The following DNAH6 variants were observed in gnomAD, a reference collection of about 807,000 sequenced individuals.
DNAH6 encodes dynein axonemal heavy chain 6.
In DNAH6, 340 loss-of-function variants were observed where a neutral mutation model predicts 491.4. That is an observed-to-expected ratio of 0.69 (90% CI 0.63 to 0.76). The LOEUF is 0.76. DNAH6 is among the 30% of genes least tolerant of loss of function. The probability of loss-of-function intolerance (pLI) is 0.00; values close to 1 mark genes in which losing one functional copy is unlikely to be tolerated. For missense variants in DNAH6, 4,443 were observed against 4,972.2 expected (o/e 0.89, Z 3.20); for synonymous variants, 1,603 against 1,686.1 (o/e 0.95, Z 1.21).
chr2:84,616,473 T>C (rs1393206487), intron 22 of DNAH6, among the ~76,000 whole-genome samples: 1 of 152,140 alleles, frequency 6.6e-6, no homozygotes, highest in Admixed American at 6.6e-5. Context: ...CTGTTGTTGC[T>C]ATAAAATTTG....
rs550435084 is a variant in DNAH6 at position 84,656,872 on chromosome 2, C to T, written c.5758-1420C>T. The stretch of plus-strand genomic sequence containing the variant: ...AATTCAACTTACCAGTTTTTTCCCT[C>T]ATGGATGGTGCCTTTGGTGTCATAC... On this transcript the variant is annotated intron_variant, in intron 35 of 76. Transcript: ENST00000389394. Among the ~76,000 whole-genome samples, 7 of 152,054 alleles carry T rather than the reference C, an allele frequency of 4.6e-5. No individual in the cohort carries two copies. In the South Asian group the frequency reaches 1.0e-3, roughly 23 times the overall value.
the DNAH6 span, among the ~76,000 whole-genome samples, chr2:84,474,944 A>G: frequency 6.6e-6 from 1 of 152,190 alleles, no homozygotes; most frequent in Admixed American, 6.5e-5. Flanking sequence ...GATTAGTACT[A>G]CCAAAGCCTC....
In DNAH6 at chr2:84,715,617, C is replaced by T. The variant is rs1224238300; in HGVS notation, c.9601C>T (p.Gln3201Ter). 6 of 1,551,124 alleles carry T rather than the reference C, an allele frequency of 3.9e-6. No homozygotes were observed. In the African/African-American group the frequency reaches 8.2e-5, roughly 21 times the overall value. The change falls in exon 58 of 77, where the codon CAG becomes TAG. Residue 3201 changes from glutamine to a stop codon, truncating the protein, a stop_gained. Coordinates refer to ENST00000389394, the MANE Select transcript of DNAH6 (RefSeq NM_001370.2). LOFTEE classifies it high-confidence loss of function. ...FTVTKSGLED[Q>*]LLSDVVRLEK... ...TGTAACAAAATCAGGCCTGGAGGAT[C>T]AGTTGTTAAGGTAAAAAAACAGGGA... is the stretch of plus-strand genomic sequence containing the variant.
intron 22 of DNAH6, among the ~76,000 whole-genome samples, 164 bp downstream of exon 22, chr2:84,612,018 C>T (rs538939130): frequency 6.6e-6 from 1 of 152,196 alleles, no homozygotes; most frequent in Non-Finnish European, 1.5e-5. Flanking sequence ...ATTTGACACA[C>T]TTGCTAAGCA....
At chr2:84,652,306 T>C (rs1374411308) in intron 33 of DNAH6, among the ~76,000 whole-genome samples, 1 of 152,068 alleles carries the variant, frequency 6.6e-6, no homozygotes, top group African/African-American at 2.4e-5. Flanking sequence ...AGAGGCCAAA[T>C]GTAGTAGCCT....
intron 16 of DNAH6, 57 bp from the exon 17 acceptor site, chr2:84,593,915 A>G (rs998859221): frequency 2.0e-6 from 2 of 996,484 alleles, no homozygotes; most frequent in South Asian, 3.0e-5. Context: ...GGAGAATAGC[A>G]TATGCTCATT....
At chr2:84,464,766 G>A in the DNAH6 span, among the ~76,000 whole-genome samples, 1 of 152,192 alleles carries the variant, frequency 6.6e-6, no homozygotes, top group South Asian at 2.1e-4. Flanking sequence ...GGTTTTGGTG[G>A]GTTTTGGCTA....
At chr2:84,577,018 C>T (rs1206977798) in intron 12 of DNAH6, among the ~76,000 whole-genome samples, 1 of 152,154 alleles carries the variant, frequency 6.6e-6, no homozygotes, top group African/African-American at 2.4e-5. Flanking sequence ...GTCATCTCTT[C>T]ATAGGAGCCA....
chr2:84,731,789 G>A (rs1205349136), intron 61 of DNAH6, among the ~76,000 whole-genome samples: 1 of 152,198 alleles, frequency 6.6e-6, no homozygotes, highest in South Asian at 2.1e-4. Context: ...AGATAACTTA[G>A]GAGAAGACAC....
At chr2:84,579,476 T>C (rs1682798056) in intron 13 of DNAH6, 51 bp from the exon 14 acceptor site, 1 of 1,586,414 alleles carries the variant, frequency 6.3e-7, no homozygotes. Flanking sequence ...AAATACATAA[T>C]AAAATGAAAA....
At chr2:84,790,443 A>G (rs1317555647) in intron 68 of DNAH6, among the ~76,000 whole-genome samples, 1 of 152,258 alleles carries the variant, frequency 6.6e-6, no homozygotes, top group African/African-American at 2.4e-5. Context: ...AAGAAAGTGA[A>G]AAGGCAAGAC....
rs1697339512 is a variant in DNAH6 at position 84,714,493 on chromosome 2, G to A, written c.9544-1067G>A. On this transcript the variant is annotated intron_variant, in intron 57 of 76. Coordinates refer to ENST00000389394, the MANE Select transcript of DNAH6 (RefSeq NM_001370.2). ...GAGCAGGAAGGTAGGGATAGTTAAT[G>A]GGGACAAAAATATAGTTAGATAGAC... Among the ~76,000 whole-genome samples the A allele has an allele frequency of 2.6e-5, 4 of 152,074 alleles. No homozygotes were observed. In the South Asian group the frequency reaches 8.3e-4, roughly 32 times the overall value.
At chr2:84,594,574 G>C (rs1486272978) in intron 17 of DNAH6, among the ~76,000 whole-genome samples, 1 of 152,162 alleles carries the variant, frequency 6.6e-6, no homozygotes, top group Admixed American at 6.5e-5. Context: ...ACAGCCATCA[G>C]AGAGTTTTGT....
intron 71 of DNAH6, among the ~76,000 whole-genome samples, chr2:84,806,475 C>T (rs901966872): frequency 4.0e-5 from 6 of 151,866 alleles, no homozygotes; most frequent in East Asian, 1.9e-4. Flanking sequence ...AAAAATTAGC[C>T]GGGCGTGGTG....
At chr2:84,658,756 A>G (rs78768183) in intron 36 of DNAH6, among the ~76,000 whole-genome samples, 380 of 152,208 alleles carry the variant, frequency 2.5e-3, no homozygotes, top group African/African-American at 8.7e-3. Context: ...GCAGGCATTT[A>G]AAAAGTTATA....
chr2:84,809,656 T>C (rs1013063399), intron 72 of DNAH6, among the ~76,000 whole-genome samples: 20 of 152,248 alleles, frequency 1.3e-4, no homozygotes, highest in African/African-American at 4.6e-4. Flanking sequence ...TACTCTCCCC[T>C]AACAGCCCTG....
intron 63 of DNAH6, among the ~76,000 whole-genome samples, chr2:84,756,244 AAAATT>A (rs1674009292): frequency 6.6e-6 from 1 of 152,208 alleles, no homozygotes; most frequent in African/African-American, 2.4e-5. Context: ...GGAAGACAGA[AAAATT>A]AAATAAATCG....
At chr2:84,818,289 T>G (rs182008281) in intron 76 of DNAH6, among the ~76,000 whole-genome samples, 1 of 151,646 alleles carries the variant, frequency 6.6e-6, no homozygotes, top group Non-Finnish European at 1.5e-5. Context: ...AACTCAAACC[T>G]GCCAGCCTGG....
the DNAH6 span, among the ~76,000 whole-genome samples, chr2:84,495,527 C>A: frequency 6.6e-6 from 1 of 152,188 alleles, no homozygotes; most frequent in South Asian, 2.1e-4. Flanking sequence ...ACCTTTAAGT[C>A]TTGAAATGTA....
Sources: gnomAD v4.1 joint callset for allele counts (sites outside exome capture counted in the v4.1 genomes callset) on GRCh38, gnomAD v4.1.1 for gene constraint, MANE v1.5 for transcripts, NCBI Gene and HGNC (gene_info 2026-07-23, HGNC 2026-07-21) for gene names.